Variants in NOL4 observed in about 807,000 individuals in gnomAD.
NOL4 encodes the protein cancer/testis antigen 125.
NOL4 carries 17 observed loss-of-function variants against 75.9 expected under a neutral mutation model. The observed-to-expected ratio is 0.22, with a 90% CI of 0.15 to 0.34. The LOEUF (loss-of-function observed/expected upper bound fraction) is 0.34. Among genes scored for constraint, NOL4 ranks in the 10% least tolerant of loss-of-function variants. The pLI, the probability that NOL4 is intolerant of heterozygous loss-of-function variation, is 1.00. For missense variants in NOL4, 614 were observed against 793.5 expected, an observed-to-expected ratio of 0.77 and a Z score of 2.72; for synonymous variants, 292 against 289.9, an observed-to-expected ratio of 1.01 and a Z score of -0.07.
intron 10 of NOL4, among the ~76,000 whole-genome samples, chr18:33,867,472 A>T (rs1447748934): frequency 1.3e-5 from 2 of 152,124 alleles, no homozygotes; most frequent in Non-Finnish European, 2.9e-5. Context: ...ATTGCGGCCT[A>T]TTGATTTTCT....
chr18:33,976,425 C>T (rs537202365), intron 6 of NOL4, among the ~76,000 whole-genome samples: 1 of 152,194 alleles, frequency 6.6e-6, no homozygotes, highest in South Asian at 2.1e-4. Flanking sequence ...AATGTCAATC[C>T]TAGATTTAAC....
intron 9 of NOL4, among the ~76,000 whole-genome samples, chr18:33,926,101 C>A (rs1017736581): frequency 1.3e-5 from 2 of 151,990 alleles, no homozygotes; most frequent in South Asian, 2.1e-4. Context: ...GTGGCTTATG[C>A]CTGTAATCCC....
At chr18:33,857,463 C>G (rs752113369) in intron 10 of NOL4, among the ~76,000 whole-genome samples, 1 of 151,934 alleles carries the variant, frequency 6.6e-6, no homozygotes, top group Non-Finnish European at 1.5e-5. Flanking sequence ...CTTGTAATTT[C>G]AGATCGAATT....
rs758104999 is a variant in NOL4, at chr18:33,883,398, C to T, written c.1569G>A (p.Gln523=). Reference sequence around the variant, plus strand: ...TGGCCTGGGTCGCCTCTGGTTTACACTGTTTGTCAGCTGGAGCAGACTCAT... The same window carrying T: ...TGGCCTGGGTCGCCTCTGGTTTACATTGTTTGTCAGCTGGAGCAGACTCAT... The part of the protein sequence containing the change: ...QQDESAPADK[Q]CKPEATQATY... The change falls in exon 10 of 11, where the codon CAG becomes CAA. Residue 523 remains glutamine (Q), a synonymous_variant. Transcript: ENST00000261592. 2 of 1,610,192 alleles carry T rather than the reference C, an allele frequency of 1.2e-6. No homozygotes were observed. The highest frequency in any genetic ancestry group is 1.7e-6 in the Non-Finnish European group (2 of 1,178,590).
At chr18:34,017,847 A>C (rs1013531254) in intron 6 of NOL4, among the ~76,000 whole-genome samples, 2 of 152,086 alleles carry the variant, frequency 1.3e-5, no homozygotes, top group African/African-American at 4.8e-5. Flanking sequence ...ACTAAGCCAT[A>C]AATTATTAAG....
At chr18:34,041,701 T>G (rs745811911) in intron 5 of NOL4, among the ~76,000 whole-genome samples, 4 of 151,938 alleles carry the variant, frequency 2.6e-5, no homozygotes, top group Non-Finnish European at 5.9e-5. Flanking sequence ...CTTTTTAAAT[T>G]TTAACCTTTT....
intron 1 of NOL4, among the ~76,000 whole-genome samples, chr18:34,149,193 T>C (rs758260363): frequency 6.6e-5 from 10 of 151,574 alleles, no homozygotes; most frequent in Admixed American, 2.0e-4. Flanking sequence ...AAATAAAAAT[T>C]AGGTTGAGAC....
chr18:34,105,047 A>C lies in NOL4; in HGVS notation c.526+2T>G. On this transcript the variant is annotated splice_donor_variant, in intron 3 of 10. Transcript: ENST00000261592. LOFTEE classifies it high-confidence loss of function. Reference sequence around the variant, plus strand: ...AATCTCACTATTTGACACTGCAGCTACCTTTATGATCTGTTCCATCTGGGT... The same window carrying C: ...AATCTCACTATTTGACACTGCAGCTCCCTTTATGATCTGTTCCATCTGGGT... 6.4e-7 allele frequency: 1 copy of C among 1,573,830 alleles called. No homozygotes were observed. Among genetic ancestry groups the C allele is most frequent in the Non-Finnish European group, 8.7e-7 (1 of 1,144,224 alleles).
At chr18:34,024,288 A>G (rs375270406) in intron 5 of NOL4, among the ~76,000 whole-genome samples, 2 of 147,712 alleles carry the variant, frequency 1.4e-5, no homozygotes, top group East Asian at 2.0e-4. Flanking sequence ...AGGGTCCACA[A>G]AGATTTTATT....
chr18:33,898,151 A>C (rs2065530268), intron 9 of NOL4, among the ~76,000 whole-genome samples: 1 of 152,138 alleles, frequency 6.6e-6, no homozygotes, highest in Non-Finnish European at 1.5e-5. Flanking sequence ...GAGCTCAAGC[A>C]ATCCTTCTGC....
At position 33,854,360 on chromosome 18, in the gene NOL4, G is replaced by T. The variant is rs1281548861; in HGVS notation, c.1724-1325C>A. Among the ~76,000 whole-genome samples the T allele has an allele frequency of 5.3e-5, 8 of 152,190 alleles. No individual in the cohort carries two copies. The East Asian group carries it at 1.6e-3, about 29-fold the overall frequency. On this transcript the variant is annotated intron_variant, in intron 10 of 10. Coordinates refer to ENST00000261592, the MANE Select transcript of NOL4 (RefSeq NM_003787.5). The stretch of plus-strand genomic sequence containing the variant: ...AGCACACAAGAACTCTGACATCTGA[G>T]AGAAATGTATTTCCACTTCTGTAGT...
At chr18:34,006,107 T>C (rs964382311) in intron 6 of NOL4, among the ~76,000 whole-genome samples, 10 of 152,118 alleles carry the variant, frequency 6.6e-5, no homozygotes, top group Admixed American at 1.3e-4. Context: ...AACAATTTTA[T>C]AGCTCTCAGT....
intron 10 of NOL4, among the ~76,000 whole-genome samples, chr18:33,857,517 A>G (rs2062891560): frequency 6.6e-6 from 1 of 152,008 alleles, no homozygotes; most frequent in Non-Finnish European, 1.5e-5. Flanking sequence ...TTAATTTCCA[A>G]AACCATTGAG....
At chr18:34,084,564 G>A (rs1044023185) in intron 5 of NOL4, among the ~76,000 whole-genome samples, 14 of 152,154 alleles carry the variant, frequency 9.2e-5, no homozygotes, top group Admixed American at 5.9e-4. Context: ...ACTGTGTGTG[G>A]CTCCAAAGAG....
At chr18:33,995,034 ACTC>A (rs985566666) in intron 6 of NOL4, among the ~76,000 whole-genome samples, 2 of 151,492 alleles carry the variant, frequency 1.3e-5, no homozygotes, top group Non-Finnish European at 3.0e-5. Context: ...ACATGGAAAA[ACTC>A]CTAGAAATAC....
At chr18:33,908,836 G>A (rs1234160042) in intron 9 of NOL4, among the ~76,000 whole-genome samples, 1 of 152,190 alleles carries the variant, frequency 6.6e-6, no homozygotes, top group South Asian at 2.1e-4. Context: ...GAATATGTGT[G>A]GGTGTTATAT....
intron 1 of NOL4, among the ~76,000 whole-genome samples, chr18:34,155,955 A>G (rs2030312932): frequency 6.6e-6 from 1 of 152,164 alleles, no homozygotes; most frequent in South Asian, 2.1e-4. Flanking sequence ...AAGATTAAGA[A>G]ATCAGAAAGG....
intron 1 of NOL4, among the ~76,000 whole-genome samples, chr18:34,206,215 G>A (rs1053822484): frequency 2.0e-5 from 3 of 152,068 alleles, no homozygotes; most frequent in African/African-American, 7.2e-5. Flanking sequence ...TTTGTATGTT[G>A]CATAGAGCCA....
At chr18:34,156,828 T>G (rs1031377590) in intron 1 of NOL4, 8 of 152,248 alleles carry the variant, frequency 5.3e-5, no homozygotes, top group African/African-American at 1.9e-4. Context: ...AAACATTCAA[T>G]GGCTTCCTGC....
Sources: gnomAD v4.1 joint callset for allele counts (sites outside exome capture counted in the v4.1 genomes callset) on GRCh38, gnomAD v4.1.1 for gene constraint, MANE v1.5 for transcripts, NCBI Gene and HGNC (gene_info 2026-07-23, HGNC 2026-07-21) for gene names.